The following FREM1 variants were observed in gnomAD, a reference collection of about 807,000 sequenced individuals.
FREM1 encodes the protein FRAS1 related extracellular matrix 1.
Under a neutral mutation model 210.1 loss-of-function variants are expected in FREM1, and 220 were observed. The observed-to-expected ratio is 1.05, with a 90% CI of 0.94 to 1.17. FREM1 has a LOEUF of 1.17. FREM1 is among the 50% of genes most tolerant of loss of function. The pLI is 0.00. For missense variants in FREM1, 3,454 were observed against 2,675.5 expected (o/e 1.29, Z -6.42); for synonymous variants, 1,189 against 980.2 (o/e 1.21, Z -3.98).
chr9:14,804,360 C>T (rs529436039), intron 19 of FREM1, among the ~76,000 whole-genome samples: 21 of 152,132 alleles, frequency 1.4e-4, no homozygotes, highest in African/African-American at 3.9e-4. Flanking sequence ...CCGAGGCGGG[C>T]GGATCACGAG....
rs567392116 is a variant in FREM1 at position 14,893,742 on chromosome 9, A to C, written c.-268+16172T>G. On this transcript the variant is annotated intron_variant, in intron 1 of 36. Transcript: ENST00000380880. ...GTGTTTTTGGTAAAAGACTATAAGA[A>C]GTCATGGAAATGTGGATTTTTTTGC... Among the ~76,000 whole-genome samples the C allele has an allele frequency of 5.9e-5, 9 of 152,352 alleles. No homozygotes were observed. The South Asian group carries it at 1.7e-3, about 28-fold the overall frequency.
At chr9:14,763,277 G>C (rs927787802) in intron 27 of FREM1, among the ~76,000 whole-genome samples, 3 of 152,190 alleles carry the variant, frequency 2.0e-5, no homozygotes, top group African/African-American at 7.2e-5. Flanking sequence ...AGATGTAGGA[G>C]CACCACTTCC....
chr9:14,802,177 T>C (rs1817414375), intron 19 of FREM1, among the ~76,000 whole-genome samples: 1 of 152,182 alleles, frequency 6.6e-6, no homozygotes, highest in Non-Finnish European at 1.5e-5. Context: ...AGGGGAAAAA[T>C]GCAACCAAGA....
At chr9:14,883,620 T>C (rs1320914345) in intron 1 of FREM1, among the ~76,000 whole-genome samples, 1 of 152,134 alleles carries the variant, frequency 6.6e-6, no homozygotes, top group East Asian at 1.9e-4. Context: ...GATTTCACAG[T>C]GATGATGGGT....
chr9:14,742,876 A>G (rs1563809697), intron 35 of FREM1, among the ~76,000 whole-genome samples: 1 of 152,156 alleles, frequency 6.6e-6, no homozygotes, highest in African/African-American at 2.4e-5. Context: ...GAAACCTGCT[A>G]TACTTAGGGG....
intron 15 of FREM1, 33 bp downstream of exon 15, chr9:14,816,745 G>A (rs369076421): frequency 7.5e-6 from 9 of 1,200,536 alleles, no homozygotes; most frequent in Non-Finnish European, 1.0e-5. Context: ...AACAGACTAA[G>A]ACAATAACCC....
intron 10 of FREM1, among the ~76,000 whole-genome samples, chr9:14,825,760 A>G (rs1350547175): frequency 1.3e-5 from 2 of 151,736 alleles, no homozygotes; most frequent in Admixed American, 6.6e-5. Context: ...CCACCCACAT[A>G]TAACACATCA....
chr9:14,824,926 G>C lies in FREM1; in HGVS notation c.1948C>G (p.His650Asp). The C allele has an allele frequency of 6.2e-7, 1 of 1,610,552 alleles. No homozygotes were observed. Among genetic ancestry groups the C allele is most frequent in the Admixed American group, 1.7e-5 (1 of 59,490 alleles). ...LPKEAPGVSR[H>D]LVVKETEVAY... Reference sequence around the variant, plus strand: ...ACCTCAGTTTCCTTGACAACCAAATGCCGAGAAACTCCAGGAGCCTCTTTT... The same window carrying C: ...ACCTCAGTTTCCTTGACAACCAAATCCCGAGAAACTCCAGGAGCCTCTTTT... The change falls in exon 11 of 37, where the codon CAT becomes GAT. Residue 650 changes from histidine to aspartate, a missense_variant. Coordinates refer to ENST00000380880, the MANE Select transcript of FREM1 (RefSeq NM_001379081.2).
intron 29 of FREM1, among the ~76,000 whole-genome samples, chr9:14,753,986 C>G (rs1368764449): frequency 6.6e-6 from 1 of 152,164 alleles, no homozygotes; most frequent in Non-Finnish European, 1.5e-5. Flanking sequence ...CATGTGAGCT[C>G]TTCTAGACAA....
intron 29 of FREM1, among the ~76,000 whole-genome samples, chr9:14,751,468 G>T (rs1346142652): frequency 6.6e-6 from 1 of 152,128 alleles, no homozygotes; most frequent in Non-Finnish European, 1.5e-5. Flanking sequence ...GGCCAACAGA[G>T]CAAAACCCCA....
At position 14,824,779 on chromosome 9, in the gene FREM1, G is replaced by C; in HGVS notation, c.2078+17C>G. Reference sequence around the variant, plus strand: ...CAATCCTAGAACTAGTAGCCCAAATGGTGACTTTTCAGATACCTGTGGCTG... The same window carrying C: ...CAATCCTAGAACTAGTAGCCCAAATCGTGACTTTTCAGATACCTGTGGCTG... On this transcript the variant is annotated intron_variant, in intron 11 of 36. Coordinates refer to ENST00000380880, the MANE Select transcript of FREM1 (RefSeq NM_001379081.2). 6.3e-7 allele frequency: 1 copy of C among 1,587,546 alleles called. No individual in the cohort carries two copies. The highest frequency in any genetic ancestry group is 8.6e-7 in the Non-Finnish European group (1 of 1,160,938).
Position 14,860,852 on chromosome 9 carries a change from CGTATATATACACATATATATACGT to C in FREM1, c.330-1392_330-1369del, listed in dbSNP as rs1830003265. On this transcript the variant is annotated intron_variant, in intron 3 of 36. Coordinates refer to ENST00000380880, the MANE Select transcript of FREM1 (RefSeq NM_001379081.2). ...ATATATACGTATATATACATATATA[CGTATATATACACATATATATACGT>C]ATATATACACATATATACATATATA... Among the ~76,000 whole-genome samples, 8 of 83,744 alleles carry C rather than the reference CGTATATATACACATATATATACGT, an allele frequency of 9.6e-5. 1 individual carries two copies. The highest frequency in any genetic ancestry group is 6.4e-4 in the African/African-American group (8 of 12,524). 54.9% of individuals were successfully genotyped at this position (83,744 alleles called of 152,430 possible).
intron 1 of FREM1, among the ~76,000 whole-genome samples, chr9:14,905,993 A>G (rs1817633445): frequency 6.6e-6 from 1 of 152,094 alleles, no homozygotes; most frequent in Non-Finnish European, 1.5e-5. Flanking sequence ...CTCCCCAGAC[A>G]TTGGGATCTG....
In FREM1 at chr9:14,884,160, C is replaced by A. The variant is rs376548044; in HGVS notation, c.-267-14916G>T. ...AGGAGAATCTCTTGAACTTGGGAGGCGGAGGTTGCAGTGAGCCAAGATCGC... is the reference window on the plus strand; with the variant it reads ...AGGAGAATCTCTTGAACTTGGGAGGAGGAGGTTGCAGTGAGCCAAGATCGC... On this transcript the variant is annotated intron_variant, in intron 1 of 36. Coordinates refer to ENST00000380880, the MANE Select transcript of FREM1 (RefSeq NM_001379081.2). Among the ~76,000 whole-genome samples the A allele has an allele frequency of 3.3e-5, 5 of 152,080 alleles. No homozygotes were observed. In the East Asian group the frequency reaches 9.7e-4, roughly 29 times the overall value.
At chr9:14,739,755 C>G (rs1365293450) in intron 36 of FREM1, among the ~76,000 whole-genome samples, 4 of 151,576 alleles carry the variant, frequency 2.6e-5, no homozygotes, top group African/African-American at 4.8e-5. Flanking sequence ...AAACGTAAGG[C>G]AATTTTTCAT....
At position 14,860,921 on chromosome 9, in the gene FREM1, A is replaced by G. The variant is rs1451837137; in HGVS notation, c.330-1437T>C. The stretch of plus-strand genomic sequence containing the variant: ...TATATACACATATACACATATACAC[A>G]TATATACACATATACACACATATAC... On this transcript the variant is annotated intron_variant, in intron 3 of 36. Coordinates refer to ENST00000380880, the MANE Select transcript of FREM1 (RefSeq NM_001379081.2). 5.2e-5 allele frequency among the ~76,000 whole-genome samples: 6 copies of G among 115,444 alleles called. 1 individual carries two copies. Among genetic ancestry groups the G allele is most frequent in the Admixed American group, 1.8e-4 (2 of 10,908 alleles). 75.7% of individuals were successfully genotyped at this position (115,444 alleles called of 152,430 possible).
At chr9:14,908,524 G>A (rs1025619441) in intron 1 of FREM1, among the ~76,000 whole-genome samples, 1 of 151,930 alleles carries the variant, frequency 6.6e-6, no homozygotes, top group African/African-American at 2.4e-5. Context: ...TCGTGGGAAT[G>A]AAAAGGCAGA....
chr9:14,796,185 T>A (rs906456378), intron 21 of FREM1, among the ~76,000 whole-genome samples: 1 of 152,180 alleles, frequency 6.6e-6, no homozygotes, highest in African/African-American at 2.4e-5. Flanking sequence ...AGGGACTTGT[T>A]TGAGGCCCTC....
Position 14,859,542 on chromosome 9 carries a change from C to A in FREM1, c.330-58G>T, listed in dbSNP as rs1829424849. On this transcript the variant is annotated intron_variant, in intron 3 of 36. Transcript: ENST00000380880. The stretch of plus-strand genomic sequence containing the variant: ...TTGGTGCTCAGGTATTTCTGATACC[C>A]ATGTACTCAGCTGGAAGACTAAAGA... 2.8e-6 allele frequency: 4 copies of A among 1,407,168 alleles called. No homozygotes were observed. In the Admixed American group the frequency reaches 8.1e-5, roughly 28 times the overall value. The allele number at this position is 1,407,168 out of a possible 1,614,324, so 87.2% of individuals were successfully genotyped here.
Sources: allele counts gnomAD v4.1 joint callset (sites outside exome capture counted in the v4.1 genomes callset), GRCh38; gene constraint gnomAD v4.1.1; transcripts MANE v1.5; gene names NCBI Gene and HGNC (gene_info 2026-07-23, HGNC 2026-07-21).